The following SRGAP2 variants were observed in gnomAD, a reference collection of about 807,000 sequenced individuals.
SRGAP2 encodes the protein SLIT-ROBO Rho GTPase-activating protein 2.
A neutral mutation model predicts 57.2 loss-of-function variants in SRGAP2; 15 were observed. The ratio of observed to expected loss-of-function variants is 0.26; its 90% CI spans 0.18 to 0.40. The LOEUF (loss-of-function observed/expected upper bound fraction) is 0.40. Among genes scored for constraint, SRGAP2 ranks in the 10% least tolerant of loss-of-function variants. The pLI, the probability that SRGAP2 is intolerant of heterozygous loss-of-function variation, is 1.00. For missense variants in SRGAP2, 520 were observed against 669.6 expected (o/e 0.78, Z 2.47); for synonymous variants, 249 against 248.0 (o/e 1.00, Z -0.04).
intron 16 of SRGAP2, 74 bp downstream of exon 16, chr1:206,438,172 G>A (rs1661946158): frequency 1.4e-6 from 1 of 737,068 alleles, no homozygotes; most frequent in South Asian, 1.4e-5. Flanking sequence ...GTTTCCACAG[G>A]GTCTGTGTGT....
intron 2 of SRGAP2, among the ~76,000 whole-genome samples, chr1:206,262,397 T>A (rs1315074952): frequency 1.4e-5 from 2 of 144,530 alleles, no homozygotes; most frequent in Non-Finnish European, 3.0e-5. Context: ...TAACAGAGGG[T>A]CTTCTAAAGA....
intron 22 of SRGAP2, among the ~76,000 whole-genome samples, chr1:206,459,549 C>T (rs1553379764): frequency 2.6e-5 from 4 of 152,114 alleles, no homozygotes; most frequent in African/African-American, 7.2e-5. Context: ...GTGTATGCAC[C>T]GCACTGATGA....
At chr1:206,307,914 G>GC (rs1252375676) in intron 3 of SRGAP2, among the ~76,000 whole-genome samples, 1 of 152,204 alleles carries the variant, frequency 6.6e-6, no homozygotes, top group African/African-American at 2.4e-5. Flanking sequence ...GTGCAGGGGG[G>GC]GGTGCTGAAG....
chr1:206,418,233 C>T (rs1659919914), intron 11 of SRGAP2, among the ~76,000 whole-genome samples: 1 of 152,074 alleles, frequency 6.6e-6, no homozygotes, highest in Non-Finnish European at 1.5e-5. Context: ...ATGAATATTC[C>T]AGAATGGAAA....
chr1:206,444,343 G>C (rs1572171110), intron 17 of SRGAP2, among the ~76,000 whole-genome samples: 1 of 152,176 alleles, frequency 6.6e-6, no homozygotes, highest in East Asian at 1.9e-4. Context: ...CAAGCTCCTG[G>C]TCATTGTAGC....
intron 5 of SRGAP2, among the ~76,000 whole-genome samples, chr1:206,392,161 C>A (rs1304938833): frequency 6.6e-6 from 1 of 151,834 alleles, no homozygotes; most frequent in Admixed American, 6.6e-5. Context: ...GCAGAACAGA[C>A]AGATCCCCAG....
intron 22 of SRGAP2, among the ~76,000 whole-genome samples, chr1:206,459,917 C>T (rs1260302006): frequency 6.6e-6 from 1 of 152,190 alleles, no homozygotes; most frequent in Non-Finnish European, 1.5e-5. Context: ...CTGCCTTGCG[C>T]TACGGGAATC....
intron 14 of SRGAP2, among the ~76,000 whole-genome samples, chr1:206,433,888 TAA>T (rs1661492613): frequency 6.6e-6 from 1 of 152,230 alleles, no homozygotes; most frequent in Admixed American, 6.5e-5. Flanking sequence ...TTAGCAATTC[TAA>T]AAGTATTTTA....
chr1:206,441,123 G>C lies in SRGAP2; in HGVS notation c.1874+1042G>C, dbSNP rs1358826476. On this transcript the variant is annotated intron_variant, in intron 17 of 22. Transcript: ENST00000573034. ...GTTGGCATGAGCGACAGGGACATAG[G>C]GTGGTCATTTATGGAGTTGGAGAAG... Among the ~76,000 whole-genome samples the C allele has an allele frequency of 2.0e-5, 3 of 152,176 alleles. No homozygotes were observed. The East Asian group carries it at 5.8e-4, about 29-fold the overall frequency.
chr1:206,253,730 C>A (rs1227779714), intron 2 of SRGAP2, among the ~76,000 whole-genome samples: 1 of 151,072 alleles, frequency 6.6e-6, no homozygotes, highest in Non-Finnish European at 1.5e-5. Context: ...TACAGGCGCC[C>A]GCCACCAGGC....
intron 7 of SRGAP2, among the ~76,000 whole-genome samples, chr1:206,395,846 C>A (rs1195800239): frequency 1.6e-3 from 239 of 146,250 alleles, no homozygotes; most frequent in African/African-American, 5.7e-3. Context: ...AAAAAAAAAA[C>A]GTCTGCTAAG....
At chr1:206,263,026 A>C (rs1464739438) in intron 2 of SRGAP2, among the ~76,000 whole-genome samples, 4 of 148,974 alleles carry the variant, frequency 2.7e-5, no homozygotes, top group African/African-American at 9.9e-5. Flanking sequence ...AAGGTAAATG[A>C]CATAAGGAAT....
intron 17 of SRGAP2, among the ~76,000 whole-genome samples, chr1:206,443,843 C>T (rs1393826022): frequency 7.2e-5 from 11 of 152,042 alleles, no homozygotes; most frequent in African/African-American, 2.7e-4. Flanking sequence ...GGGAGAGAAT[C>T]CCTAGTTTTT....
intron 19 of SRGAP2, among the ~76,000 whole-genome samples, chr1:206,451,719 G>T (rs9430143): frequency 0.29 from 43,695 of 152,000 alleles, 7,222 homozygotes; most frequent in East Asian, 0.65. Flanking sequence ...TCTGCTAGAG[G>T]CTTTATATAT....
chr1:206,381,064 A>G (rs1232878097), intron 4 of SRGAP2, among the ~76,000 whole-genome samples: 4 of 152,232 alleles, frequency 2.6e-5, no homozygotes, highest in African/African-American at 9.6e-5. Flanking sequence ...ACCCTCAGCC[A>G]GAGGGAGCAG....
At chr1:206,289,327 C>T (rs1163653280) in intron 2 of SRGAP2, among the ~76,000 whole-genome samples, 4 of 142,998 alleles carry the variant, frequency 2.8e-5, no homozygotes, top group Non-Finnish European at 6.0e-5. Context: ...GGCTGGAGTG[C>T]AGTGGTGCCA....
At chr1:206,386,896 G>A (rs551262781) in intron 5 of SRGAP2, among the ~76,000 whole-genome samples, 11 of 145,546 alleles carry the variant, frequency 7.6e-5, no homozygotes, top group East Asian at 4.2e-4. Context: ...AGGCTGAGGT[G>A]GGCGGATCAT....
chr1:206,381,042 A>T (rs1655658357), intron 4 of SRGAP2, among the ~76,000 whole-genome samples: 1 of 152,242 alleles, frequency 6.6e-6, no homozygotes. Context: ...CTACACATGT[A>T]GTCCCAGCCC....
intron 3 of SRGAP2, among the ~76,000 whole-genome samples, chr1:206,311,585 ATC>A (rs1553324183): frequency 6.6e-6 from 1 of 152,260 alleles, no homozygotes; most frequent in Non-Finnish European, 1.5e-5. Flanking sequence ...TGGATAACTT[ATC>A]TGTTTTGCTG....
Sources: gnomAD v4.1 joint callset for allele counts (sites outside exome capture counted in the v4.1 genomes callset) on GRCh38, gnomAD v4.1.1 for gene constraint, MANE v1.5 for transcripts, NCBI Gene and HGNC (gene_info 2026-07-23, HGNC 2026-07-21) for gene names.